The following WARS1 variants were observed in gnomAD, a reference collection of about 807,000 sequenced individuals.
The protein encoded by WARS1 is tryptophanyl-tRNA synthetase 1.
A neutral mutation model predicts 47.8 loss-of-function variants in WARS1; 17 were observed. That is an observed-to-expected ratio of 0.36 (90% CI 0.24 to 0.53). The LOEUF is 0.53. WARS1 is among the 20% of genes least tolerant of loss of function. The probability of loss-of-function intolerance (pLI) is 0.91; values close to 1 mark genes in which losing one functional copy is unlikely to be tolerated. For synonymous variants in WARS1, 208 were observed against 228.1 expected (o/e 0.91, Z 0.79); for missense variants, 434 against 608.0 (o/e 0.71, Z 3.01).
chr14:100,365,474 C>T (rs771985262), intron 2 of WARS1: 11 of 256,446 alleles, frequency 4.3e-5, no homozygotes, highest in African/African-American at 1.4e-4. Context: ...CAGCTACTTA[C>T]GAGGCCAGGG....
At chr14:100,365,728 C>CT (rs5810993) in intron 2 of WARS1, among the ~76,000 whole-genome samples, 57 of 141,818 alleles carry the variant, frequency 4.0e-4, no homozygotes, top group Admixed American at 4.9e-4. Context: ...CAGAGATCTT[C>CT]TTTTTTTTTT....
At chr14:100,352,728 T>C (rs1383245459) in intron 6 of WARS1, among the ~76,000 whole-genome samples, 1 of 152,198 alleles carries the variant, frequency 6.6e-6, no homozygotes, top group Non-Finnish European at 1.5e-5. Context: ...GGGAGTACTA[T>C]GACTTAGAAG....
chr14:100,354,356 T>C (rs1417017801), intron 5 of WARS1, 91 bp downstream of exon 5: 7 of 1,517,090 alleles, frequency 4.6e-6, no homozygotes, highest in Non-Finnish European at 6.2e-6. Flanking sequence ...GCAAATGAAC[T>C]AGCATGATCT....
chr14:100,365,980 T>C, intron 2 of WARS1: 1 of 455,716 alleles, frequency 2.2e-6, no homozygotes, highest in South Asian at 1.5e-5. Context: ...AAGCGGGTTA[T>C]GAAAACAGGA....
At chr14:100,372,260 C>T (rs1358924089) in intron 1 of WARS1, among the ~76,000 whole-genome samples, 3 of 151,736 alleles carry the variant, frequency 2.0e-5, no homozygotes, top group African/African-American at 4.8e-5. Flanking sequence ...CACACGGACA[C>T]GAGTGACACG....
At chr14:100,356,059 A>C (rs1895291327) in intron 4 of WARS1, among the ~76,000 whole-genome samples, 2 of 152,122 alleles carry the variant, frequency 1.3e-5, no homozygotes, top group African/African-American at 4.8e-5. Flanking sequence ...ATCATGTTTT[A>C]TGAGGATGGA....
intron 9 of WARS1, among the ~76,000 whole-genome samples, chr14:100,338,102 T>C (rs975593371): frequency 1.3e-5 from 2 of 152,026 alleles, no homozygotes; most frequent in African/African-American, 4.8e-5. Context: ...CAGGCAGGTC[T>C]TCACTTACAA....
chr14:100,365,124 T>TACATACACAC (rs1895878395), intron 2 of WARS1, among the ~76,000 whole-genome samples: 1 of 137,768 alleles, frequency 7.3e-6, no homozygotes, highest in African/African-American at 2.7e-5. Context: ...TCTCAAAAAA[T>TACATACACAC]ACACACACAC....
chr14:100,349,632 C>G (rs1315305975), intron 6 of WARS1, among the ~76,000 whole-genome samples: 1 of 152,248 alleles, frequency 6.6e-6, no homozygotes, highest in South Asian at 2.1e-4. Flanking sequence ...TAAGGACTTG[C>G]CCAAGGGAAC....
At chr14:100,372,865 G>GCTGCCTGC (rs1000471700) in intron 1 of WARS1, among the ~76,000 whole-genome samples, 2 of 152,056 alleles carry the variant, frequency 1.3e-5, no homozygotes, top group African/African-American at 2.4e-5. Context: ...GCTGCTCCCT[G>GCTGCCTGC]CTGCCTGCCT....
At chr14:100,341,382 T>G (rs940041498) in intron 9 of WARS1, among the ~76,000 whole-genome samples, 1 of 151,500 alleles carries the variant, frequency 6.6e-6, no homozygotes, top group Non-Finnish European at 1.5e-5. Flanking sequence ...GTGGGGAGAG[T>G]TGGTGGAGGG....
rs1220591190 is a variant in WARS1, at chr14:100,373,421, T to C, written c.-74+1862A>G. Among the ~76,000 whole-genome samples the C allele has an allele frequency of 6.6e-6, 1 of 152,350 alleles. No individual in the cohort carries two copies. Among genetic ancestry groups the C allele is most frequent in the East Asian group, 1.9e-4 (1 of 5,186 alleles). ...CTCTGCTAACATCTGCCCACCATCC[T>C]GGTCACTATTTTTGGAATTCCTTTT... On this transcript the variant is annotated intron_variant, in intron 1 of 10. Coordinates refer to ENST00000392882, the MANE Select transcript of WARS1 (RefSeq NM_004184.4). The surrounding 1 kb of genome is among the most constrained non-coding windows in gnomAD (Gnocchi z 4.4).
intron 9 of WARS1, among the ~76,000 whole-genome samples, chr14:100,337,458 C>T (rs1289923921): frequency 1.3e-5 from 2 of 152,116 alleles, no homozygotes; most frequent in Admixed American, 6.5e-5. Context: ...TTGAACCCCC[C>T]ATCCTCGGAG....
intron 4 of WARS1, among the ~76,000 whole-genome samples, chr14:100,355,643 A>G (rs1042600244): frequency 6.6e-6 from 1 of 152,196 alleles, no homozygotes. Flanking sequence ...AAGAGGAATA[A>G]CTACCTTTTC....
Position 100,351,399 on chromosome 14 carries a change from C to T in WARS1, c.725+2288G>A, listed in dbSNP as rs573627455. On this transcript the variant is annotated intron_variant, in intron 6 of 10. Transcript: ENST00000392882. ...GGGCATGGTGGCTCACACCTGTAAT[C>T]GCAGCACTTTGGGAGGCTGAGGCGG... Among the ~76,000 whole-genome samples, 6 of 151,388 alleles carry T rather than the reference C, an allele frequency of 4.0e-5. No homozygotes were observed. In the East Asian group the frequency reaches 5.8e-4, roughly 15 times the overall value.
intron 4 of WARS1, 39 bp from the exon 5 acceptor site, chr14:100,354,605 G>A: frequency 6.4e-7 from 1 of 1,571,446 alleles, no homozygotes; most frequent in Non-Finnish European, 8.6e-7. Context: ...GTGATTTTCT[G>A]AGAAAAATAT....
intron 3 of WARS1, among the ~76,000 whole-genome samples, chr14:100,361,297 G>T (rs1174039528): frequency 6.6e-6 from 1 of 152,224 alleles, no homozygotes; most frequent in Non-Finnish European, 1.5e-5. Flanking sequence ...TGCCCGATGT[G>T]AGAAGTCACT....
rs374166102 is a variant in WARS1, at chr14:100,346,861, A to C, written c.726-15T>G. On this transcript the variant is annotated splice_polypyrimidine_tract_variant and intron_variant, in intron 6 of 10. Transcript: ENST00000392882. ...CTGAGCTCATCCTGCAAAGACAACG[A>C]GAATGAAATCCCAAACGGAGGGCGG... 62 of 1,608,480 alleles carry C rather than the reference A, an allele frequency of 3.9e-5. No individual in the cohort carries two copies. Among genetic ancestry groups the C allele is most frequent in the Non-Finnish European group, 5.1e-5 (60 of 1,175,278 alleles).
intron 10 of WARS1, 193 bp downstream of exon 10, chr14:100,336,869 C>T (rs1343422788): frequency 1.6e-6 from 1 of 637,820 alleles, no homozygotes; most frequent in Non-Finnish European, 2.6e-6. Context: ...TGTATCTGCT[C>T]TTTCGAGATT....
Sources: allele counts gnomAD v4.1 joint callset (sites outside exome capture counted in the v4.1 genomes callset), GRCh38; gene constraint gnomAD v4.1.1; non-coding constraint Gnocchi (gnomAD v3.1); transcripts MANE v1.5; gene names NCBI Gene and HGNC (gene_info 2026-07-23, HGNC 2026-07-21).